The following ERICH3 variants were observed in gnomAD, a reference collection of about 807,000 sequenced individuals.
The protein encoded by ERICH3 is glutamate-rich protein 3.
Under a neutral mutation model 131.1 loss-of-function variants are expected in ERICH3, and 126 were observed. The ratio of observed to expected loss-of-function variants is 0.96; its 90% confidence interval spans 0.83 to 1.11. The LOEUF (loss-of-function observed/expected upper bound fraction) is 1.11, where lower values mean the gene tolerates loss of function less well. Among genes scored for constraint, ERICH3 ranks in the 50% most tolerant of loss-of-function variants. ERICH3 has a pLI of 0.00. For missense variants in ERICH3, 2,050 were observed against 1,810.7 expected (o/e 1.13, Z -2.40); for synonymous variants, 695 against 644.6 (o/e 1.08, Z -1.18).
chr1:74,576,524 T>C (rs1015978544), intron 13 of ERICH3, among the ~76,000 whole-genome samples: 3 of 152,204 alleles, frequency 2.0e-5, no homozygotes, highest in African/African-American at 7.2e-5. Flanking sequence ...GTACTCTGGC[T>C]ACTGCTATTT....
intron 5 of ERICH3, 130 bp from the exon 6 acceptor site, chr1:74,636,568 AT>A: frequency 1.1e-6 from 1 of 885,828 alleles, no homozygotes; most frequent in Non-Finnish European, 1.7e-6. Context: ...AACTTTAATT[AT>A]GTCCTTCCAT....
At chr1:74,596,653 A>G (rs748159252) in intron 11 of ERICH3, among the ~76,000 whole-genome samples, 15 of 152,072 alleles carry the variant, frequency 9.9e-5, no homozygotes, top group Non-Finnish European at 1.9e-4. Context: ...CCATAAAAGT[A>G]TATTCTCAGT....
At chr1:74,609,271 A>G (rs772620943) in intron 9 of ERICH3, among the ~76,000 whole-genome samples, 1 of 152,046 alleles carries the variant, frequency 6.6e-6, no homozygotes, top group Non-Finnish European at 1.5e-5. Context: ...GACCTTAAAC[A>G]GGTAATTCCT....
intron 10 of ERICH3, among the ~76,000 whole-genome samples, 184 bp from the exon 11 acceptor site, chr1:74,600,115 T>C (rs2100578132): frequency 6.6e-6 from 1 of 151,914 alleles, no homozygotes; most frequent in Middle Eastern, 3.4e-3. Context: ...TCCAATCAGT[T>C]ACATACACAA....
intron 1 of ERICH3, among the ~76,000 whole-genome samples, chr1:74,663,434 G>T (rs1156984776): frequency 6.6e-6 from 1 of 152,016 alleles, no homozygotes; most frequent in African/African-American, 2.4e-5. Context: ...TGGTTGACTG[G>T]CTACTAGAAG....
In ERICH3 at chr1:74,606,611, A is replaced by C. The variant is rs1367179329; in HGVS notation, c.1479T>G (p.Thr493=). The C allele has an allele frequency of 6.2e-6, 10 of 1,601,320 alleles. No individual in the cohort carries two copies. The highest frequency in any genetic ancestry group is 8.5e-6 in the Non-Finnish European group (10 of 1,174,064). ...TGTGTTGTTGATTACCATATTTTAAAGTATTTTCCTGGTCGTCTTCCAAGA... is the reference window on the plus strand; with the variant it reads ...TGTGTTGTTGATTACCATATTTTAACGTATTTTCCTGGTCGTCTTCCAAGA... ...QEVLEDDQEN[T]LKYEYEEDFE... Residue 493 remains threonine (T), a synonymous_variant, in exon 10 of 15, where the codon ACT becomes ACG. Transcript: ENST00000326665.
rs1647508267 is a variant in ERICH3 at position 74,589,940 on chromosome 1, G to A, written c.1867C>T (p.Leu623=). ...ESARRSSSQE[L]SENDKPRKSH... is the part of the protein sequence containing the mutation. ...TTTCTTGGCTTATCATTTTCACTCA[G>A]TTCCTGAGAAGATGACCTTCTGGCA... The change falls in exon 12 of 15, where the codon CTG becomes TTG. Residue 623 remains leucine (L), a synonymous_variant. Transcript: ENST00000326665. 6.2e-7 allele frequency: 1 copy of A among 1,613,968 alleles called. No homozygotes were observed. The highest frequency in any genetic ancestry group is 8.5e-7 in the Non-Finnish European group (1 of 1,179,940).
chr1:74,609,205 T>C (rs1021102787), intron 9 of ERICH3, among the ~76,000 whole-genome samples: 1 of 152,048 alleles, frequency 6.6e-6, no homozygotes, highest in Non-Finnish European at 1.5e-5. Flanking sequence ...ATGAGTACAG[T>C]TGTGGAACCT....
At chr1:74,601,487 A>G (rs1299602269) in intron 10 of ERICH3, among the ~76,000 whole-genome samples, 1 of 151,932 alleles carries the variant, frequency 6.6e-6, no homozygotes, top group African/African-American at 2.4e-5. Context: ...ATGTTTTTCA[A>G]CACAATGGGG....
At position 74,573,007 on chromosome 1, in the gene ERICH3, C is replaced by G. The variant is rs763920443; in HGVS notation, c.2703G>C (p.Lys901Asn). The G allele has an allele frequency of 1.6e-5, 26 of 1,614,056 alleles. No homozygotes were observed. ...CTGCTGCTTCATTTGCAAGCACTGC[C>G]TTCTCTAAACCCTGTTCCCCTTCAG... is the stretch of plus-strand genomic sequence containing the variant. ...AASEGEQGLE[K>N]AVLANEAAAL... Residue 901 changes from lysine (K) to asparagine (N), a missense_variant, in exon 14 of 15, where the codon AAG becomes AAC. Lys to Asn is a moderately conservative substitution (Grantham distance 94, BLOSUM62 0). Coordinates refer to ENST00000326665, the MANE Select transcript of ERICH3 (RefSeq NM_001002912.5).
rs1395514401 is a variant in ERICH3 at position 74,570,067 on chromosome 1, T to C, written c.*391A>G. On this transcript the variant is annotated 3_prime_UTR_variant, in exon 15 of 15. Transcript: ENST00000326665. ...GATTGTGGAATTGACTGGGGCTCTG[T>C]ATTGTAAAATAAAAAGGACTTTAAA... is the stretch of plus-strand genomic sequence containing the variant. 6.6e-6 allele frequency: 1 copy of C among 152,202 alleles called. No homozygotes were observed. Among genetic ancestry groups the C allele is most frequent in the African/African-American group, 2.4e-5 (1 of 41,448 alleles). The allele number at this position is 152,202 out of a possible 1,614,324, so 9.4% of individuals were successfully genotyped here.
At chr1:74,586,399 T>C in intron 12 of ERICH3, 1 of 980,884 alleles carries the variant, frequency 1.0e-6, no homozygotes, top group Non-Finnish European at 1.2e-6. Flanking sequence ...ATTTCTGTAA[T>C]CATGCACACA....
chr1:74,632,517 T>C (rs757814571), intron 6 of ERICH3, among the ~76,000 whole-genome samples: 1 of 151,922 alleles, frequency 6.6e-6, no homozygotes, highest in Non-Finnish European at 1.5e-5. Flanking sequence ...CAGATAACTA[T>C]ACAAGTTCAC....
chr1:74,596,352 C>A (rs1278082454), intron 11 of ERICH3, among the ~76,000 whole-genome samples: 1 of 151,876 alleles, frequency 6.6e-6, no homozygotes, highest in East Asian at 1.9e-4. Flanking sequence ...TTGTAATTGA[C>A]AAATAATTAT....
chr1:74,641,706 A>G (rs190488800), intron 4 of ERICH3, among the ~76,000 whole-genome samples: 1 of 152,188 alleles, frequency 6.6e-6, no homozygotes, highest in African/African-American at 2.4e-5. Context: ...AATTTGCTTC[A>G]AGCAGATCAC....
Position 74,572,390 on chromosome 1 carries a change from GTC to G in ERICH3, c.3318_3319del (p.Glu1106AspfsTer6), listed in dbSNP as rs781149287. On this transcript the variant is annotated frameshift_variant, in exon 14 of 15. Coordinates refer to ENST00000326665, the MANE Select transcript of ERICH3 (RefSeq NM_001002912.5). LOFTEE classifies it high-confidence loss of function. Reference sequence around the variant, plus strand: ...TGTCTCTTCCTCAGCTCTTACTTCTGTCTCTGTTTCCCCTTCTTCCGCTTTAA... The same window carrying G: ...TGTCTCTTCCTCAGCTCTTACTTCTGTCTGTTTCCCCTTCTTCCGCTTTAA... 4.3e-6 allele frequency: 7 copies of G among 1,613,720 alleles called. No homozygotes were observed. Among genetic ancestry groups the G allele is most frequent in the African/African-American group, 1.3e-5 (1 of 74,998 alleles).
intron 1 of ERICH3, among the ~76,000 whole-genome samples, chr1:74,658,539 G>GA (rs57695006): frequency 0.032 from 4,780 of 149,618 alleles, 261 homozygotes; most frequent in African/African-American, 0.11. Flanking sequence ...TGTGCATTTG[G>GA]AAAAAAAAAT....
chr1:74,576,967 GTCAAATGAA>G, intron 12 of ERICH3, 31 bp from the exon 13 acceptor site: 1 of 1,559,646 alleles, frequency 6.4e-7, no homozygotes, highest in African/African-American at 1.4e-5. Context: ...GAAAAAAAAG[GTCAAATGAA>G]TCACTGTGAA....
intron 1 of ERICH3, among the ~76,000 whole-genome samples, chr1:74,669,295 A>G (rs1053791519): frequency 7.7e-6 from 1 of 130,614 alleles, no homozygotes; most frequent in South Asian, 2.4e-4. Flanking sequence ...CTTTCAAAAC[A>G]TATGTCTTCT....
Sources: allele counts gnomAD v4.1 joint callset (sites outside exome capture counted in the v4.1 genomes callset), GRCh38; gene constraint gnomAD v4.1.1; transcripts MANE v1.5; gene names NCBI Gene and HGNC (gene_info 2026-07-23, HGNC 2026-07-21).